The following HECTD4 variants were observed in gnomAD, a reference collection of about 807,000 sequenced individuals.
HECTD4 encodes probable E3 ubiquitin-protein ligase HECTD4.
HECTD4 carries 114 observed loss-of-function variants against 471.5 expected under a neutral mutation model. The ratio of observed to expected loss-of-function variants is 0.24; its 90% CI spans 0.21 to 0.28. The LOEUF is 0.28. Ranked by LOEUF, HECTD4 falls within the 10% of genes least tolerant of loss-of-function variation. HECTD4 has a pLI of 1.00. For missense variants in HECTD4, 3,866 were observed against 5,651.5 expected (o/e 0.68, Z 10.13); for synonymous variants, 2,012 against 2,256.0 (o/e 0.89, Z 3.07).
Position 112,175,865 on chromosome 12 carries a change from G to A in HECTD4, c.11471-6C>T, listed in dbSNP as rs1237328962. 6.2e-7 allele frequency: 1 copy of A among 1,613,072 alleles called. No homozygotes were observed. The highest frequency in any genetic ancestry group is 8.5e-7 in the Non-Finnish European group (1 of 1,179,610). The stretch of plus-strand genomic sequence containing the variant: ...CAGGTATTTTTCCTCAGGGACTGGT[G>A]GAAAGGGTTCAGTGTGAGGAATCTG... On this transcript the variant is annotated splice_polypyrimidine_tract_variant and splice_region_variant and intron_variant, in intron 65 of 75. Transcript: ENST00000682272.
chr12:112,180,152 G>A (rs2031612399), intron 62 of HECTD4, among the ~76,000 whole-genome samples: 1 of 152,230 alleles, frequency 6.6e-6, no homozygotes, highest in Non-Finnish European at 1.5e-5. Context: ...GCCAGGCCCA[G>A]CTGTGGCAAC....
chr12:112,217,282 G>GTACCCACACCAATATTTCCCAAACT, intron 45 of HECTD4, 87 bp from the exon 46 acceptor site: 1 of 1,075,016 alleles, frequency 9.3e-7, no homozygotes. Flanking sequence ...TTTATCTGAT[G>GTACCCACACCAATATTTCCCAAACT]GTATTAAAAT....
At chr12:112,258,912 TAGTA>T in intron 19 of HECTD4, 196 bp downstream of exon 19, 1 of 592,278 alleles carries the variant, frequency 1.7e-6, no homozygotes, top group Non-Finnish European at 2.9e-6. Flanking sequence ...AGGTTGCAGT[TAGTA>T]ATTTAGTCAA....
chr12:112,292,547 C>T (rs917809653), intron 7 of HECTD4, among the ~76,000 whole-genome samples: 2 of 152,154 alleles, frequency 1.3e-5, no homozygotes, highest in Admixed American at 6.5e-5. Flanking sequence ...AGGATACTAC[C>T]TGGCATGTAG....
intron 64 of HECTD4, among the ~76,000 whole-genome samples, chr12:112,177,591 AG>A (rs1004786440): frequency 2.0e-5 from 3 of 152,192 alleles, no homozygotes; most frequent in African/African-American, 7.2e-5. Context: ...CGTGTTAGCC[AG>A]GATGGTCTCG....
intron 45 of HECTD4, among the ~76,000 whole-genome samples, chr12:112,217,506 A>G (rs2032956808): frequency 6.6e-6 from 1 of 151,972 alleles, no homozygotes; most frequent in Non-Finnish European, 1.5e-5. Flanking sequence ...GGTGTGCATC[A>G]CCACACCCAG....
intron 48 of HECTD4, 125 bp from the exon 49 acceptor site, chr12:112,212,775 A>G: frequency 1.5e-6 from 1 of 660,606 alleles, no homozygotes; most frequent in Non-Finnish European, 2.4e-6. Context: ...TCTGAAATGG[A>G]CATGAAGTTA....
intron 40 of HECTD4, 133 bp from the exon 41 acceptor site, chr12:112,230,013 A>T: frequency 1.3e-6 from 1 of 745,438 alleles, no homozygotes. Context: ...GGACCAAAAA[A>T]CTATCAGGTA....
Position 112,258,522 on chromosome 12 carries a change from C to A in HECTD4, c.3102G>T (p.Gln1034His), listed in dbSNP as rs149620143. The part of the protein sequence containing the change: ...VGCSPCGAPD[Q>H]KCRLFPDERM... ...TCTCATCAGGGAACAGCCTGCACTT[C>A]TGGTCTGGTGCACCACACGGGGAAC... The change falls in exon 20 of 76, where the codon CAG becomes CAT. Residue 1034 changes from glutamine to histidine, a missense_variant. Gln to His is a conservative substitution (Grantham distance 24). Around this residue, in one of 16 missense-constraint regions of HECTD4, gnomAD observed 525 missense variants for 672.6 expected, o/e 0.78. Coordinates refer to ENST00000682272, the MANE Select transcript of HECTD4 (RefSeq NM_001388303.1). 550 of 1,601,174 alleles carry A rather than the reference C, an allele frequency of 3.4e-4. 3 individuals are homozygous for A. Among genetic ancestry groups the A allele is most frequent in the Middle Eastern group, 1.5e-3 (9 of 6,028 alleles).
chr12:112,168,688 G>A (rs1431618099), intron 70 of HECTD4, among the ~76,000 whole-genome samples: 1 of 152,228 alleles, frequency 6.6e-6, no homozygotes, highest in Non-Finnish European at 1.5e-5. Flanking sequence ...GAAGGCCAGG[G>A]GCCTGGACCC....
At chr12:112,361,887 C>A (rs759329363) in intron 1 of HECTD4, among the ~76,000 whole-genome samples, 7 of 152,150 alleles carry the variant, frequency 4.6e-5, no homozygotes, top group Non-Finnish European at 1.0e-4. Flanking sequence ...CATTTAAAAA[C>A]CAGTCATGTG....
Position 112,193,729 on chromosome 12 carries a change from G to A in HECTD4, c.8750-55C>T. On this transcript the variant is annotated intron_variant, in intron 56 of 75. Coordinates refer to ENST00000682272, the MANE Select transcript of HECTD4 (RefSeq NM_001388303.1). The surrounding 1 kb of genome is among the most constrained non-coding windows in gnomAD (Gnocchi z 5.2). Reference sequence around the variant, plus strand: ...AAGAATCAAAGCAGCCAGTAGCTGTGAGAGTCTAAGTAACAGAAAATGAAT... The same window carrying A: ...AAGAATCAAAGCAGCCAGTAGCTGTAAGAGTCTAAGTAACAGAAAATGAAT... 2 of 1,487,002 alleles carry A rather than the reference G, an allele frequency of 1.3e-6. No individual in the cohort carries two copies. The highest frequency in any genetic ancestry group is 1.8e-6 in the Non-Finnish European group (2 of 1,084,208). The allele number at this position is 1,487,002 out of a possible 1,614,324, so 92.1% of individuals were successfully genotyped here.
intron 1 of HECTD4, among the ~76,000 whole-genome samples, chr12:112,353,195 A>G (rs1262314921): frequency 6.6e-6 from 1 of 152,234 alleles, no homozygotes; most frequent in Non-Finnish European, 1.5e-5. Flanking sequence ...ACTATGTCTG[A>G]TGATGTTTCT....
At chr12:112,300,376 T>C (rs967965560) in intron 7 of HECTD4, among the ~76,000 whole-genome samples, 3 of 151,898 alleles carry the variant, frequency 2.0e-5, no homozygotes, top group Non-Finnish European at 2.9e-5. Context: ...ATTCTGAAAG[T>C]ACTGCTCCAT....
At chr12:112,295,276 C>T (rs373122483) in intron 7 of HECTD4, among the ~76,000 whole-genome samples, 2 of 151,364 alleles carry the variant, frequency 1.3e-5, no homozygotes, top group East Asian at 3.9e-4. Flanking sequence ...TAGGGAGGAA[C>T]AGGATTTTAT....
chr12:112,212,128 T>A (rs2032780512), intron 49 of HECTD4, among the ~76,000 whole-genome samples: 1 of 152,224 alleles, frequency 6.6e-6, no homozygotes, highest in South Asian at 2.1e-4. Context: ...TCTCTCCAAG[T>A]TTCTGACATA....
At position 112,217,281 on chromosome 12, in the gene HECTD4, T is replaced by C. The variant is rs370318915; in HGVS notation, c.7075-86A>G. 22 of 1,147,276 alleles carry C rather than the reference T, an allele frequency of 1.9e-5. No individual in the cohort carries two copies. In the East Asian group the frequency reaches 4.2e-4, roughly 22 times the overall value. The allele number at this position is 1,147,276 out of a possible 1,614,324, so 71.1% of individuals were successfully genotyped here. A position where few individuals can be genotyped will look rare whatever the true frequency, so the allele number is the denominator to read the frequency against. ...CAAAGAAGAAAAAAATTTTATCTGA[T>C]GGTATTAAAATATAGGCATACACAC... On this transcript the variant is annotated intron_variant, in intron 45 of 75. Transcript: ENST00000682272.
chr12:112,372,309 G>A (rs1262698857), intron 1 of HECTD4, among the ~76,000 whole-genome samples: 1 of 151,768 alleles, frequency 6.6e-6, no homozygotes, highest in Non-Finnish European at 1.5e-5. Context: ...GCCCAGTCTG[G>A]AGTGCAGTGG....
chr12:112,185,572 A>G (rs1169285476), intron 60 of HECTD4, 79 bp from the exon 61 acceptor site: 1 of 1,055,254 alleles, frequency 9.5e-7, no homozygotes, highest in African/African-American at 1.6e-5. Context: ...GCCTGGAATC[A>G]ACCCTCATAA....
Sources: allele counts gnomAD v4.1 joint callset (sites outside exome capture counted in the v4.1 genomes callset), GRCh38; gene constraint gnomAD v4.1.1; regional missense constraint gnomAD v4.1.1; non-coding constraint Gnocchi (gnomAD v3.1); transcripts MANE v1.5; gene names NCBI Gene and HGNC (gene_info 2026-07-23, HGNC 2026-07-21).